Variants in CNTNAP5 observed in about 807,000 individuals in gnomAD.
The protein encoded by CNTNAP5 is contactin associated protein family member 5.
In CNTNAP5, 72 loss-of-function variants were observed where a neutral mutation model predicts 150.2. The ratio of observed to expected loss-of-function variants is 0.48; its 90% confidence interval spans 0.40 to 0.58. The LOEUF is 0.58. Ranked by LOEUF, CNTNAP5 falls within the 20% of genes least tolerant of loss-of-function variation. The pLI is 0.00. For missense variants in CNTNAP5, 1,636 were observed against 1,626.2 expected (o/e 1.01, Z -0.10); for synonymous variants, 672 against 619.8 (o/e 1.08, Z -1.25).
chr2:124,494,315 A>T (rs911825329), intron 7 of CNTNAP5, among the ~76,000 whole-genome samples: 3 of 152,182 alleles, frequency 2.0e-5, no homozygotes, highest in South Asian at 2.1e-4. Flanking sequence ...CCAGTGTAAG[A>T]CCTAGAGGCC....
intron 17 of CNTNAP5, among the ~76,000 whole-genome samples, chr2:124,776,468 G>A (rs1018204054): frequency 1.3e-5 from 2 of 152,164 alleles, no homozygotes; most frequent in Non-Finnish European, 2.9e-5. Flanking sequence ...TTCAGGTGAA[G>A]CGTGTCAAAC....
At chr2:124,506,846 G>T (rs1247309628) in intron 8 of CNTNAP5, among the ~76,000 whole-genome samples, 1 of 152,182 alleles carries the variant, frequency 6.6e-6, no homozygotes, top group Non-Finnish European at 1.5e-5. Context: ...TGCCAATGGG[G>T]ACTGAAGCCA....
At chr2:124,143,710 C>T (rs1684174721) in intron 1 of CNTNAP5, among the ~76,000 whole-genome samples, 1 of 134,260 alleles carries the variant, frequency 7.4e-6, no homozygotes, top group Non-Finnish European at 1.6e-5. Flanking sequence ...AAACTGGAAG[C>T]ATTCCCTTTG....
chr2:124,503,456 CT>C (rs534720465), intron 7 of CNTNAP5, among the ~76,000 whole-genome samples: 183 of 152,084 alleles, frequency 1.2e-3, no homozygotes, highest in Non-Finnish European at 2.2e-3. Flanking sequence ...GGATCCTTAC[CT>C]TTTTTTTGCT....
intron 19 of CNTNAP5, among the ~76,000 whole-genome samples, chr2:124,852,008 G>C (rs1204064014): frequency 6.6e-6 from 1 of 152,204 alleles, no homozygotes. Context: ...TGGGAAAGGA[G>C]AGAGGAGAGG....
chr2:124,364,122 G>T (rs76810638), intron 3 of CNTNAP5, among the ~76,000 whole-genome samples: 10,622 of 152,212 alleles, frequency 0.07, 465 homozygotes, highest in East Asian at 0.21. Context: ...TGGCTACAAA[G>T]TTATACAGGA....
At chr2:124,706,755 GA>G (rs1332612271) in intron 13 of CNTNAP5, among the ~76,000 whole-genome samples, 2 of 22,348 alleles carry the variant, frequency 8.9e-5, no homozygotes, top group Non-Finnish European at 1.7e-4. Flanking sequence ...TCAAGAAGAA[GA>G]AGAAGAAGAA....
rs1194957328 is a variant in CNTNAP5 at position 124,474,395 on chromosome 2, A to G, written c.919-344A>G. Among the ~76,000 whole-genome samples, 5 of 152,154 alleles carry G rather than the reference A, an allele frequency of 3.3e-5. No homozygotes were observed. The East Asian group carries it at 7.7e-4, about 24-fold the overall frequency. ...TTTGTCTCTTGGCTTTAGTATGGCC[A>G]TATCTTTTAAGATGCTTGGATAAGA... On this transcript the variant is annotated intron_variant, in intron 6 of 23. Transcript: ENST00000682447.
At chr2:124,293,790 C>T (rs1013431451) in intron 3 of CNTNAP5, among the ~76,000 whole-genome samples, 1 of 151,740 alleles carries the variant, frequency 6.6e-6, no homozygotes, top group Admixed American at 6.6e-5. Context: ...GTAAAACACC[C>T]GAGGACAGCA....
At chr2:124,542,629 C>G (rs1695413835) in intron 10 of CNTNAP5, among the ~76,000 whole-genome samples, 1 of 152,106 alleles carries the variant, frequency 6.6e-6, no homozygotes, top group South Asian at 2.1e-4. Flanking sequence ...CCTACCTACT[C>G]TACGAAGTCT....
At chr2:124,757,963 GT>G (rs2105158158) in intron 14 of CNTNAP5, among the ~76,000 whole-genome samples, 1 of 152,264 alleles carries the variant, frequency 6.6e-6, no homozygotes, top group Non-Finnish European at 1.5e-5. Flanking sequence ...CTCTTAAAAG[GT>G]TTTAAGCAAT....
intron 3 of CNTNAP5, among the ~76,000 whole-genome samples, chr2:124,367,933 T>A (rs1180462250): frequency 6.6e-6 from 1 of 152,212 alleles, no homozygotes; most frequent in Non-Finnish European, 1.5e-5. Flanking sequence ...AACAGATATT[T>A]ACTTCCCATC....
chr2:124,283,044 C>G (rs1345735701), intron 3 of CNTNAP5, among the ~76,000 whole-genome samples: 1 of 150,136 alleles, frequency 6.7e-6, no homozygotes, highest in Non-Finnish European at 1.5e-5. Context: ...AAACCATTCT[C>G]AGGATATTCC....
chr2:124,223,365 T>C (rs993119657), intron 2 of CNTNAP5, among the ~76,000 whole-genome samples: 2 of 152,162 alleles, frequency 1.3e-5, no homozygotes, highest in Non-Finnish European at 2.9e-5. Flanking sequence ...CACTTACCTC[T>C]GCCAACCTCA....
Position 124,095,181 on chromosome 2 carries a change from C to A in CNTNAP5, c.82+69449C>A, listed in dbSNP as rs186821671. On this transcript the variant is annotated intron_variant, in intron 1 of 23. Coordinates refer to ENST00000682447, the MANE Select transcript of CNTNAP5 (RefSeq NM_001367498.1). ...ATGCAGCCATGAAAAAGGATGAGTT[C>A]ATGTCCTTTGCAGGGACATGGATGA... Among the ~76,000 whole-genome samples, 27 of 152,222 alleles carry A rather than the reference C, an allele frequency of 1.8e-4. No homozygotes were observed. In the East Asian group the frequency reaches 4.8e-3, roughly 27 times the overall value.
intron 11 of CNTNAP5, among the ~76,000 whole-genome samples, chr2:124,571,021 A>G (rs900180980): frequency 7.9e-5 from 12 of 152,364 alleles, no homozygotes; most frequent in African/African-American, 2.9e-4. Context: ...TAATGATAGC[A>G]ATCATTTCAA....
At chr2:124,782,966 T>C (rs957450700) in intron 17 of CNTNAP5, among the ~76,000 whole-genome samples, 1 of 152,204 alleles carries the variant, frequency 6.6e-6, no homozygotes, top group Non-Finnish European at 1.5e-5. Flanking sequence ...CTGTACAGCT[T>C]CCTTTATTAA....
At chr2:124,785,173 G>C (rs955343752) in intron 17 of CNTNAP5, among the ~76,000 whole-genome samples, 11 of 151,934 alleles carry the variant, frequency 7.2e-5, no homozygotes, top group African/African-American at 2.7e-4. Context: ...AAGTAAAAAT[G>C]AAAGTATATT....
At position 124,773,284 on chromosome 2, in the gene CNTNAP5, G is replaced by A. The variant is rs143654600; in HGVS notation, c.2752+267G>A. On this transcript the variant is annotated intron_variant, in intron 17 of 23. Transcript: ENST00000682447. The stretch of plus-strand genomic sequence containing the variant: ...TGTAATATTGTCTTCAGATGCCCAG[G>A]GACCCCTTTTGTTCTACATCATTGT... Among the ~76,000 whole-genome samples the A allele has an allele frequency of 1.4e-3, 219 of 152,042 alleles. 1 individual carries two copies. Among genetic ancestry groups the A allele is most frequent in the African/African-American group, 5.0e-3 (206 of 41,468 alleles).
Sources: gnomAD v4.1 joint callset for allele counts (sites outside exome capture counted in the v4.1 genomes callset) on GRCh38, gnomAD v4.1.1 for gene constraint, MANE v1.5 for transcripts, NCBI Gene and HGNC (gene_info 2026-07-23, HGNC 2026-07-21) for gene names.